ACSM1: variants seen among roughly 807,000 people sequenced by gnomAD.
The protein encoded by ACSM1 is acyl-coenzyme A synthetase ACSM1, mitochondrial.
In ACSM1, 79 loss-of-function variants were observed where a neutral mutation model predicts 75.8. The ratio of observed to expected loss-of-function variants is 1.04; its 90% CI spans 0.87 to 1.26. ACSM1 has a LOEUF of 1.26. ACSM1 is among the 50% of genes most tolerant of loss of function. The probability of loss-of-function intolerance (pLI) is 0.00; values close to 1 mark genes in which losing one functional copy is unlikely to be tolerated. For missense variants in ACSM1, 676 were observed against 720.1 expected (o/e 0.94, Z 0.70); for synonymous variants, 279 against 265.8 (o/e 1.05, Z -0.48).
intron 4 of ACSM1, chr16:20,673,978 A>G: frequency 2.9e-6 from 1 of 348,998 alleles, no homozygotes. Context: ...GAGGGCAAGG[A>G]ACTAGGTCAG....
Position 20,623,461 on chromosome 16 carries a change from C to T in ACSM1, c.*25G>A. 1 of 1,607,960 alleles carries T rather than the reference C, an allele frequency of 6.2e-7. No homozygotes were observed. The highest frequency in any genetic ancestry group is 8.5e-7 in the Non-Finnish European group (1 of 1,174,524). Reference sequence around the variant, plus strand: ...TGGCCAGGGATTTGCCTTAGGTGTGCAGTGCGTTCTGAGTTCACTGCCGAT... The same window carrying T: ...TGGCCAGGGATTTGCCTTAGGTGTGTAGTGCGTTCTGAGTTCACTGCCGAT... On this transcript the variant is annotated 3_prime_UTR_variant, in exon 14 of 14. Coordinates refer to ENST00000520010, the MANE Select transcript of ACSM1 (RefSeq NM_001318890.3).
At chr16:20,652,880 G>A (rs968758949) in intron 7 of ACSM1, among the ~76,000 whole-genome samples, 11 of 152,086 alleles carry the variant, frequency 7.2e-5, no homozygotes, top group Non-Finnish European at 1.3e-4. Flanking sequence ...AGAAAAAGAG[G>A]GAATCCTCCC....
intron 10 of ACSM1, among the ~76,000 whole-genome samples, chr16:20,629,796 A>G (rs1012122057): frequency 6.6e-6 from 1 of 152,178 alleles, no homozygotes; most frequent in Non-Finnish European, 1.5e-5. Context: ...GATGGAGACC[A>G]TCCTGGCCAA....
At chr16:20,672,009 A>G (rs978983034) in intron 4 of ACSM1, among the ~76,000 whole-genome samples, 2 of 152,156 alleles carry the variant, frequency 1.3e-5, no homozygotes, top group South Asian at 2.1e-4. Flanking sequence ...AATGCTCTCA[A>G]TGAGTTACAA....
At chr16:20,677,304 A>G (rs1411642323) in intron 4 of ACSM1, among the ~76,000 whole-genome samples, 1 of 151,848 alleles carries the variant, frequency 6.6e-6, no homozygotes, top group Non-Finnish European at 1.5e-5. Context: ...ATCTTCTTGT[A>G]TGCCCATAAG....
chr16:20,697,555 TTACA>T (rs1215409721), intron 1 of ACSM1, 77 bp downstream of exon 1: 3 of 104,946 alleles, frequency 2.9e-5, no homozygotes, highest in East Asian at 3.2e-4. Context: ...TAAAATTGGA[TTACA>T]CACACACACA....
chr16:20,632,827 A>G (rs1291539044), intron 10 of ACSM1, among the ~76,000 whole-genome samples: 2 of 152,220 alleles, frequency 1.3e-5, no homozygotes, highest in African/African-American at 2.4e-5. Flanking sequence ...CTTTAAAAGA[A>G]TTATACATCA....
intron 7 of ACSM1, among the ~76,000 whole-genome samples, chr16:20,650,587 C>T (rs908455111): frequency 1.3e-5 from 2 of 151,690 alleles, no homozygotes; most frequent in Non-Finnish European, 2.9e-5. Context: ...TAGTGATACA[C>T]GGTGGAGTCC....
chr16:20,690,005 G>T (rs1034840306), intron 2 of ACSM1, among the ~76,000 whole-genome samples: 1 of 152,220 alleles, frequency 6.6e-6, no homozygotes, highest in African/African-American at 2.4e-5. Context: ...CTAATTAGAT[G>T]ATTAAATGCA....
intron 7 of ACSM1, among the ~76,000 whole-genome samples, chr16:20,658,437 C>G (rs1382994274): frequency 6.6e-6 from 1 of 151,610 alleles, no homozygotes; most frequent in Non-Finnish European, 1.5e-5. Context: ...TATCCTTCAC[C>G]CACTTTTTGA....
chr16:20,662,831 C>CACTG (rs913047058), intron 6 of ACSM1, among the ~76,000 whole-genome samples: 4 of 152,250 alleles, frequency 2.6e-5, no homozygotes, highest in East Asian at 1.9e-4. Flanking sequence ...ACCCCTGGCC[C>CACTG]ACTGCCCCTA....
intron 4 of ACSM1, among the ~76,000 whole-genome samples, chr16:20,675,537 G>A (rs2020224066): frequency 6.6e-6 from 1 of 152,204 alleles, no homozygotes; most frequent in African/African-American, 2.4e-5. Flanking sequence ...GAGGAAATGG[G>A]AGGAAAAGCA....
At chr16:20,625,561 G>A (rs377276276) in intron 11 of ACSM1, 39 bp from the exon 12 acceptor site, 1 of 1,581,440 alleles carries the variant, frequency 6.3e-7, no homozygotes, top group South Asian at 1.1e-5. Flanking sequence ...GCCAGGGCTG[G>A]GGTGAACCAA....
chr16:20,627,880 AT>A, intron 10 of ACSM1, among the ~76,000 whole-genome samples: 4 of 11,198 alleles, frequency 3.6e-4, no homozygotes, highest in African/African-American at 7.2e-4. Flanking sequence ...ATATATATAT[AT>A]ATATATATAT....
intron 5 of ACSM1, 134 bp downstream of exon 5, chr16:20,671,397 A>C: frequency 3.3e-6 from 3 of 920,658 alleles, no homozygotes; most frequent in Non-Finnish European, 4.5e-6. Context: ...AGTGGAAGGG[A>C]AAAGGAGTAT....
At chr16:20,640,983 C>T (rs532120215) in intron 7 of ACSM1, among the ~76,000 whole-genome samples, 1 of 152,120 alleles carries the variant, frequency 6.6e-6, no homozygotes, top group Non-Finnish European at 1.5e-5. Context: ...GATAATAGAA[C>T]TATACATTCT....
chr16:20,685,264 C>A lies in ACSM1; in HGVS notation c.332G>T (p.Gly111Val), dbSNP rs1432080306. Residue 111 changes from glycine (G) to valine (V), a missense_variant, in exon 3 of 14, where the codon GGA becomes GTA. Gly to Val is a moderately radical substitution (Grantham distance 109). Transcript: ENST00000520010. ...VFTQTCGLQQ[G>V]DHLALMLPRV... ...AGGCAGCATCAAGGCCAGATGGTCT[C>A]CCTGTTGTAGGCCACAGGTCTGTGT... 3.7e-6 allele frequency: 6 copies of A among 1,614,066 alleles called. No homozygotes were observed. Among genetic ancestry groups the A allele is most frequent in the African/African-American group, 1.3e-5 (1 of 74,926 alleles).
At chr16:20,649,005 C>T (rs234288) in intron 7 of ACSM1, among the ~76,000 whole-genome samples, 47,309 of 151,932 alleles carry the variant, frequency 0.31, 8,349 homozygotes, top group East Asian at 0.64. Context: ...TGTAAATCCT[C>T]GAGAAGTTGG....
chr16:20,654,841 A>G (rs1425431964), intron 7 of ACSM1, among the ~76,000 whole-genome samples: 1 of 152,130 alleles, frequency 6.6e-6, no homozygotes, highest in East Asian at 1.9e-4. Flanking sequence ...ACAGTGTGGC[A>G]ATTCCTCAAG....
Sources: allele counts gnomAD v4.1 joint callset (sites outside exome capture counted in the v4.1 genomes callset), GRCh38; gene constraint gnomAD v4.1.1; transcripts MANE v1.5; gene names NCBI Gene and HGNC (gene_info 2026-07-23, HGNC 2026-07-21).